The following SNTB1 variants were observed in gnomAD, a reference collection of about 807,000 sequenced individuals.
SNTB1 encodes the protein syntrophin beta 1, also known as beta-1-syntrophin.
A neutral mutation model predicts 48.9 loss-of-function variants in SNTB1; 36 were observed. The observed-to-expected ratio is 0.74, with a 90% CI of 0.56 to 0.97. The LOEUF (loss-of-function observed/expected upper bound fraction) is 0.97, where lower values mean the gene tolerates loss of function less well. Ranked by LOEUF, SNTB1 falls within the 50% of genes least tolerant of loss-of-function variation. The pLI, the probability that SNTB1 is intolerant of heterozygous loss-of-function variation, is 0.00. For synonymous variants in SNTB1, 299 were observed against 294.6 expected (o/e 1.01, Z -0.15); for missense variants, 786 against 703.4 (o/e 1.12, Z -1.33).
chr8:120,559,324 C>A (rs1203838534), intron 4 of SNTB1, among the ~76,000 whole-genome samples: 1 of 152,076 alleles, frequency 6.6e-6, no homozygotes, highest in Non-Finnish European at 1.5e-5. Flanking sequence ...ATAGAAGTTG[C>A]CTATTTTTTG....
chr8:120,625,368 C>T (rs1332998496), intron 3 of SNTB1, among the ~76,000 whole-genome samples: 2 of 152,182 alleles, frequency 1.3e-5, no homozygotes, highest in Non-Finnish European at 2.9e-5. Context: ...AATGTACACA[C>T]CCCCCTGTCT....
chr8:120,579,250 G>C (rs1460488950), intron 3 of SNTB1, among the ~76,000 whole-genome samples: 1 of 152,128 alleles, frequency 6.6e-6, no homozygotes, highest in Non-Finnish European at 1.5e-5. Flanking sequence ...ACTTTATACG[G>C]GGTTGCCTCC....
At chr8:120,636,945 A>G (rs1013029753) in intron 2 of SNTB1, 2 of 268,622 alleles carry the variant, frequency 7.4e-6, no homozygotes, top group South Asian at 6.5e-5. Flanking sequence ...GCAAATTTTC[A>G]TAGCCAAATT....
chr8:120,693,998 G>A, intron 1 of SNTB1, 90 bp from the exon 2 acceptor site: 2 of 1,019,954 alleles, frequency 2.0e-6, no homozygotes, highest in Non-Finnish European at 1.5e-6. Context: ...ACTTGCTTTG[G>A]ATAAGCTCTT....
chr8:120,764,901 T>C (rs1427476990), intron 1 of SNTB1, among the ~76,000 whole-genome samples: 1 of 152,130 alleles, frequency 6.6e-6, no homozygotes, highest in Non-Finnish European at 1.5e-5. Context: ...CTCTATTTTA[T>C]ATGGAGTGGC....
chr8:120,722,644 C>T (rs1223187751), intron 1 of SNTB1, among the ~76,000 whole-genome samples: 1 of 152,008 alleles, frequency 6.6e-6, no homozygotes, highest in Non-Finnish European at 1.5e-5. Flanking sequence ...GGATATTAGC[C>T]CTTTGTCAGA....
intron 1 of SNTB1, among the ~76,000 whole-genome samples, chr8:120,698,424 A>G (rs936514561): frequency 5.3e-5 from 8 of 152,174 alleles, no homozygotes; most frequent in African/African-American, 1.9e-4. Flanking sequence ...TTTTTTTCAT[A>G]TCTATCCTGA....
intron 2 of SNTB1, among the ~76,000 whole-genome samples, chr8:120,682,615 CT>C (rs902277204): frequency 7.2e-5 from 11 of 152,312 alleles, no homozygotes; most frequent in African/African-American, 2.2e-4. Context: ...AACATCACCT[CT>C]TTTTGTATGT....
chr8:120,715,001 C>T (rs1004319714), intron 1 of SNTB1, among the ~76,000 whole-genome samples: 3 of 152,190 alleles, frequency 2.0e-5, no homozygotes, highest in African/African-American at 7.2e-5. Context: ...TACATAATAG[C>T]ACAAATTGGA....
intron 1 of SNTB1, among the ~76,000 whole-genome samples, chr8:120,705,924 C>T (rs545550200): frequency 4.5e-4 from 69 of 152,242 alleles, no homozygotes; most frequent in Middle Eastern, 3.4e-3. Flanking sequence ...AAAATATGAG[C>T]TCTAGAGTCA....
intron 2 of SNTB1, among the ~76,000 whole-genome samples, chr8:120,649,509 A>G (rs1188275992): frequency 7.1e-6 from 1 of 140,752 alleles, no homozygotes. Flanking sequence ...CCACTTGAGG[A>G]GGCAGTCTGC....
intron 4 of SNTB1, among the ~76,000 whole-genome samples, chr8:120,556,861 GTCTA>G (rs1200364965): frequency 1.3e-5 from 2 of 152,174 alleles, no homozygotes; most frequent in African/African-American, 4.8e-5. Flanking sequence ...GTTGGATACT[GTCTA>G]TCTAACAGCC....
At chr8:120,705,939 A>T (rs1052485939) in intron 1 of SNTB1, among the ~76,000 whole-genome samples, 5 of 152,206 alleles carry the variant, frequency 3.3e-5, no homozygotes, top group African/African-American at 1.2e-4. Context: ...GAGTCAGAGC[A>T]TCTGGGTTGG....
At chr8:120,605,257 T>A (rs1191408891) in intron 3 of SNTB1, among the ~76,000 whole-genome samples, 1 of 152,224 alleles carries the variant, frequency 6.6e-6, no homozygotes, top group African/African-American at 2.4e-5. Flanking sequence ...AGTGCATCAA[T>A]GCACAGGACA....
At chr8:120,644,751 A>G (rs1472084578) in intron 2 of SNTB1, among the ~76,000 whole-genome samples, 1 of 149,732 alleles carries the variant, frequency 6.7e-6, no homozygotes, top group South Asian at 2.1e-4. Context: ...GACTTCCACA[A>G]TGGTTGAACT....
chr8:120,734,167 G>C (rs1206999037), intron 1 of SNTB1, among the ~76,000 whole-genome samples: 1 of 152,210 alleles, frequency 6.6e-6, no homozygotes, highest in Non-Finnish European at 1.5e-5. Flanking sequence ...TTGCAGGCCA[G>C]GCGCGATGGT....
At chr8:120,797,546 C>CTTTT (rs60374035) in intron 1 of SNTB1, among the ~76,000 whole-genome samples, 30 of 69,112 alleles carry the variant, frequency 4.3e-4, no homozygotes, top group South Asian at 6.9e-4. Context: ...ACTTGTTTCT[C>CTTTT]TTTTTTTTTT....
intron 1 of SNTB1, among the ~76,000 whole-genome samples, chr8:120,776,010 C>T (rs947245630): frequency 1.3e-5 from 2 of 152,182 alleles, no homozygotes; most frequent in African/African-American, 2.4e-5. Flanking sequence ...CTAGTTCAAC[C>T]ATTGTGGAAG....
At chr8:120,683,876 T>G (rs552640380) in intron 2 of SNTB1, among the ~76,000 whole-genome samples, 38 of 152,288 alleles carry the variant, frequency 2.5e-4, no homozygotes, top group African/African-American at 8.7e-4. Flanking sequence ...CTGCCACCAA[T>G]TAGAGGATGC....
Sources: allele counts gnomAD v4.1 joint callset (sites outside exome capture counted in the v4.1 genomes callset), GRCh38; gene constraint gnomAD v4.1.1; transcripts MANE v1.5; gene names NCBI Gene and HGNC (gene_info 2026-07-23, HGNC 2026-07-21).